The following CDH13 variants were observed in gnomAD, a reference collection of about 807,000 sequenced individuals.
CDH13 encodes cadherin-13.
Under a neutral mutation model 63.8 loss-of-function variants are expected in CDH13, and 24 were observed. The observed-to-expected ratio is 0.38, with a 90% CI of 0.27 to 0.53. The LOEUF is 0.53. Ranked by LOEUF, CDH13 falls within the 20% of genes least tolerant of loss-of-function variation. The pLI is 0.85. For missense variants in CDH13, 1,049 were observed against 903.1 expected (o/e 1.16, Z -2.07); for synonymous variants, 503 against 355.3 (o/e 1.42, Z -4.67).
chr16:83,197,435 T>C (rs1468569280), intron 4 of CDH13, among the ~76,000 whole-genome samples: 1 of 152,130 alleles, frequency 6.6e-6, no homozygotes. Flanking sequence ...ACAATTGAAT[T>C]ATTATTGACT....
intron 7 of CDH13, among the ~76,000 whole-genome samples, chr16:83,597,977 G>A (rs748255330): frequency 1.3e-5 from 2 of 152,206 alleles, no homozygotes; most frequent in South Asian, 2.1e-4. Flanking sequence ...TGGAGAAAGA[G>A]ACTTGTTTTT....
chr16:83,056,550 G>A (rs1412911928), intron 3 of CDH13, among the ~76,000 whole-genome samples: 1 of 152,154 alleles, frequency 6.6e-6, no homozygotes, highest in African/African-American at 2.4e-5. Context: ...AGATAGGGAA[G>A]GGAATATCCT....
At chr16:83,175,139 T>A (rs1454588648) in intron 4 of CDH13, among the ~76,000 whole-genome samples, 1 of 152,080 alleles carries the variant, frequency 6.6e-6, no homozygotes, top group Non-Finnish European at 1.5e-5. Flanking sequence ...AACGTTTCCA[T>A]CATCATAGAA....
intron 5 of CDH13, among the ~76,000 whole-genome samples, chr16:83,235,016 G>T (rs370754469): frequency 6.6e-6 from 1 of 152,144 alleles, no homozygotes; most frequent in African/African-American, 2.4e-5. Context: ...GGGCAACATA[G>T]AGATTCCATC....
intron 2 of CDH13, among the ~76,000 whole-genome samples, chr16:82,939,604 G>A (rs1440107395): frequency 6.6e-6 from 1 of 152,016 alleles, no homozygotes; most frequent in Non-Finnish European, 1.5e-5. Flanking sequence ...TATTCTAACT[G>A]AAGCAAATGT....
chr16:83,117,846 TG>T (rs2151632103), intron 3 of CDH13, among the ~76,000 whole-genome samples: 1 of 152,242 alleles, frequency 6.6e-6, no homozygotes, highest in East Asian at 1.9e-4. Context: ...ATGTGTTCTT[TG>T]GGGCGAGTGT....
At chr16:82,814,268 T>C (rs2037593940) in intron 1 of CDH13, among the ~76,000 whole-genome samples, 1 of 152,178 alleles carries the variant, frequency 6.6e-6, no homozygotes, top group South Asian at 2.1e-4. Context: ...TGGTATTTCC[T>C]GGCTGATAGG....
chr16:83,678,122 C>T (rs1421372525), intron 9 of CDH13, 86 bp from the exon 10 acceptor site: 1 of 1,432,682 alleles, frequency 7.0e-7, no homozygotes, highest in Non-Finnish European at 9.6e-7. Context: ...CCCACTGTTG[C>T]TCGTGGAATT....
At chr16:83,636,572 C>G (rs866633095) in intron 8 of CDH13, among the ~76,000 whole-genome samples, 3 of 152,176 alleles carry the variant, frequency 2.0e-5, no homozygotes, top group African/African-American at 7.2e-5. Flanking sequence ...AGACAAAAGC[C>G]TCCAGCTCCA....
chr16:83,565,963 C>G (rs538660953), intron 7 of CDH13, among the ~76,000 whole-genome samples: 26 of 152,284 alleles, frequency 1.7e-4, no homozygotes, highest in African/African-American at 5.8e-4. Flanking sequence ...ACCTCTCATG[C>G]TATAGCGTTT....
At chr16:83,280,627 G>C (rs915537742) in intron 5 of CDH13, among the ~76,000 whole-genome samples, 2 of 152,154 alleles carry the variant, frequency 1.3e-5, no homozygotes, top group Non-Finnish European at 2.9e-5. Context: ...TTTCCCGAAG[G>C]TTTTCAGTTT....
chr16:83,100,274 A>G (rs1045725817), intron 3 of CDH13, among the ~76,000 whole-genome samples: 4 of 152,200 alleles, frequency 2.6e-5, no homozygotes, highest in Non-Finnish European at 5.9e-5. Context: ...AATATGTGGT[A>G]TGATAGATGA....
intron 1 of CDH13, among the ~76,000 whole-genome samples, chr16:82,645,737 G>A (rs1341128054): frequency 1.3e-5 from 2 of 152,158 alleles, no homozygotes; most frequent in East Asian, 1.9e-4. Context: ...CTCACAGCAA[G>A]CCGCTATTCA....
At chr16:82,831,509 C>T (rs1013400605) in intron 1 of CDH13, among the ~76,000 whole-genome samples, 9 of 152,028 alleles carry the variant, frequency 5.9e-5, no homozygotes, top group African/African-American at 2.2e-4. Flanking sequence ...TGAGAAGCAG[C>T]AAAGGAAACA....
At chr16:83,753,293 T>C (rs1262783795) in intron 11 of CDH13, among the ~76,000 whole-genome samples, 2 of 152,150 alleles carry the variant, frequency 1.3e-5, no homozygotes, top group African/African-American at 4.8e-5. Flanking sequence ...CCTGTAATCC[T>C]AGCACTTTGG....
In CDH13 at chr16:83,047,301, A is replaced by G. The variant is rs896234441; in HGVS notation, c.366+15083A>G. On this transcript the variant is annotated intron_variant, in intron 3 of 13. Transcript: ENST00000567109. The surrounding 1 kb of genome is among the most constrained non-coding windows in gnomAD (Gnocchi z 4.9). ...TGTGAATTTAAGTCATCTAATCAAA[A>G]TGCATTATTTCTGTCCTTGCATTGT... Among the ~76,000 whole-genome samples, 9 of 152,142 alleles carry G rather than the reference A, an allele frequency of 5.9e-5. No homozygotes were observed. Among genetic ancestry groups the G allele is most frequent in the African/African-American group, 2.2e-4 (9 of 41,416 alleles).
intron 10 of CDH13, among the ~76,000 whole-genome samples, chr16:83,729,907 G>A (rs1428447404): frequency 6.6e-6 from 1 of 152,204 alleles, no homozygotes; most frequent in African/African-American, 2.4e-5. Flanking sequence ...GGCACACAGG[G>A]CTTCATACAA....
At chr16:82,709,824 A>T (rs191050170) in intron 1 of CDH13, among the ~76,000 whole-genome samples, 32 of 152,304 alleles carry the variant, frequency 2.1e-4, no homozygotes, top group African/African-American at 7.5e-4. Context: ...AATAGGGAAG[A>T]AATCATAGGC....
intron 1 of CDH13, among the ~76,000 whole-genome samples, chr16:82,667,728 A>G (rs4782726): frequency 0.78 from 118,901 of 151,846 alleles, 47,069 homozygotes; most frequent in East Asian, 0.95. Flanking sequence ...CGCAGTCACT[A>G]TGGAGCCGCC....
Sources: allele counts gnomAD v4.1 joint callset (sites outside exome capture counted in the v4.1 genomes callset), GRCh38; gene constraint gnomAD v4.1.1; non-coding constraint Gnocchi (gnomAD v3.1); transcripts MANE v1.5; gene names NCBI Gene and HGNC (gene_info 2026-07-23, HGNC 2026-07-21).